Variants in CADM2 observed in about 807,000 individuals in gnomAD.
The protein encoded by CADM2 is immunoglobulin superfamily member 4D.
CADM2 carries 12 observed loss-of-function variants against 49.8 expected under a neutral mutation model. The observed-to-expected ratio is 0.24, with a 90% CI of 0.15 to 0.39. CADM2 has a LOEUF of 0.39. Ranked by LOEUF, CADM2 falls within the 10% of genes least tolerant of loss-of-function variation. The pLI is 1.00. For missense variants in CADM2, 378 were observed against 492.3 expected (o/e 0.77, Z 2.20); for synonymous variants, 214 against 175.4 (o/e 1.22, Z -1.74).
intron 3 of CADM2, among the ~76,000 whole-genome samples, chr3:85,823,637 G>A (rs2073733341): frequency 6.6e-6 from 1 of 152,132 alleles, no homozygotes; most frequent in Non-Finnish European, 1.5e-5. Context: ...TCTTCACAAA[G>A]TGTCTATCAA....
At chr3:85,528,840 A>G (rs2106941096) in intron 1 of CADM2, among the ~76,000 whole-genome samples, 1 of 152,314 alleles carries the variant, frequency 6.6e-6, no homozygotes, top group Admixed American at 6.5e-5. Flanking sequence ...CTTCTCTCAG[A>G]AAAAATCAAA....
chr3:85,787,970 A>G (rs1416928435), intron 2 of CADM2, among the ~76,000 whole-genome samples: 1 of 152,050 alleles, frequency 6.6e-6, no homozygotes, highest in Non-Finnish European at 1.5e-5. Context: ...TACTTTTTGG[A>G]ATACTGGCCC....
intron 7 of CADM2, among the ~76,000 whole-genome samples, chr3:85,937,212 T>C (rs1331324985): frequency 6.6e-6 from 1 of 151,862 alleles, no homozygotes; most frequent in Non-Finnish European, 1.5e-5. Flanking sequence ...GAATGTGCCT[T>C]CTTTTAATCT....
Position 85,381,004 on chromosome 3 carries a change from A to C in CADM2, c.62-345518A>C, listed in dbSNP as rs184303138. Reference sequence around the variant, plus strand: ...ACTACGAATGATATTTTAGAAGAGAAACACAAAGTTAGAAAGTGTAGCTAT... The same window carrying C: ...ACTACGAATGATATTTTAGAAGAGACACACAAAGTTAGAAAGTGTAGCTAT... On this transcript the variant is annotated intron_variant, in intron 1 of 9. Transcript: ENST00000383699. Among the ~76,000 whole-genome samples the C allele has an allele frequency of 2.8e-3, 430 of 152,208 alleles. 2 individuals carry two copies. The highest frequency in any genetic ancestry group is 5.2e-3 in the Admixed American group (80 of 15,264).
chr3:85,345,967 A>G (rs2030600444), intron 1 of CADM2, among the ~76,000 whole-genome samples: 1 of 152,218 alleles, frequency 6.6e-6, no homozygotes, highest in Non-Finnish European at 1.5e-5. Context: ...GGAAATTTAT[A>G]AGGCAAATAA....
At chr3:86,060,738 C>T (rs1364822399) in intron 8 of CADM2, among the ~76,000 whole-genome samples, 2 of 152,022 alleles carry the variant, frequency 1.3e-5, no homozygotes, top group Admixed American at 6.5e-5. Flanking sequence ...AATCCCAGCA[C>T]TTTTGGAGGC....
chr3:85,091,790 A>G (rs1196919181), intron 1 of CADM2, among the ~76,000 whole-genome samples: 2 of 152,164 alleles, frequency 1.3e-5, no homozygotes, highest in Non-Finnish European at 2.9e-5. Flanking sequence ...TGTCTTGTAG[A>G]AAGCATAGTA....
intron 1 of CADM2, among the ~76,000 whole-genome samples, chr3:85,045,596 A>G (rs1182876737): frequency 6.6e-6 from 1 of 152,086 alleles, no homozygotes; most frequent in Non-Finnish European, 1.5e-5. Flanking sequence ...ATAAGGCAGT[A>G]TATGTGTATA....
intron 1 of CADM2, among the ~76,000 whole-genome samples, chr3:85,409,042 C>A (rs924058122): frequency 1.3e-5 from 2 of 152,104 alleles, no homozygotes; most frequent in African/African-American, 4.8e-5. Context: ...TAGTGAAATA[C>A]TTCACTTCAT....
At chr3:85,897,255 T>C in intron 5 of CADM2, among the ~76,000 whole-genome samples, 1 of 73,236 alleles carries the variant, frequency 1.4e-5, no homozygotes, top group African/African-American at 7.8e-5. Flanking sequence ...TTTTTTTTTT[T>C]TTTTTTTTTT....
At chr3:85,207,342 AT>A (rs1362285187) in intron 1 of CADM2, among the ~76,000 whole-genome samples, 2 of 152,098 alleles carry the variant, frequency 1.3e-5, no homozygotes, top group Non-Finnish European at 2.9e-5. Context: ...CTGAACATTT[AT>A]TTTTATTTTT....
At chr3:86,016,202 T>G (rs183936858) in intron 8 of CADM2, among the ~76,000 whole-genome samples, 7 of 152,194 alleles carry the variant, frequency 4.6e-5, no homozygotes, top group Admixed American at 2.0e-4. Context: ...AATTTATGTA[T>G]ATTAGGGTGA....
At chr3:85,783,949 AAT>A (rs1461170918) in intron 2 of CADM2, among the ~76,000 whole-genome samples, 1 of 152,174 alleles carries the variant, frequency 6.6e-6, no homozygotes, top group African/African-American at 2.4e-5. Context: ...TTAGCTGGTC[AAT>A]GACTTTAACA....
At chr3:85,982,518 G>A (rs1005949080) in intron 8 of CADM2, among the ~76,000 whole-genome samples, 1 of 151,662 alleles carries the variant, frequency 6.6e-6, no homozygotes, top group Non-Finnish European at 1.5e-5. Flanking sequence ...GAATTTTAAT[G>A]TTAGCCTAAC....
chr3:85,688,885 A>T (rs1299628761), intron 1 of CADM2, among the ~76,000 whole-genome samples: 1 of 152,110 alleles, frequency 6.6e-6, no homozygotes, highest in South Asian at 2.1e-4. Flanking sequence ...ACAGTTTCTT[A>T]AAAAATAAGC....
chr3:85,864,396 G>T (rs2075649451), intron 3 of CADM2, among the ~76,000 whole-genome samples: 1 of 152,094 alleles, frequency 6.6e-6, no homozygotes, highest in Non-Finnish European at 1.5e-5. Context: ...TGAGGAATTT[G>T]CCTGTAACTT....
At chr3:85,183,924 T>G (rs1048742722) in intron 1 of CADM2, among the ~76,000 whole-genome samples, 1 of 152,108 alleles carries the variant, frequency 6.6e-6, no homozygotes, top group Non-Finnish European at 1.5e-5. Context: ...AGTAAAGGCT[T>G]TGCCATTTAT....
chr3:85,932,520 C>T (rs1487603444), intron 6 of CADM2, among the ~76,000 whole-genome samples: 4 of 152,014 alleles, frequency 2.6e-5, no homozygotes, highest in African/African-American at 9.7e-5. Context: ...TCCCATTCAC[C>T]CTGATCTTAA....
chr3:85,427,040 G>T (rs1030757426), intron 1 of CADM2, among the ~76,000 whole-genome samples: 5 of 151,422 alleles, frequency 3.3e-5, no homozygotes, highest in Admixed American at 6.6e-5. Context: ...TTCATAGGAT[G>T]TTTCCATGTA....
Sources: gnomAD v4.1 joint callset for allele counts (sites outside exome capture counted in the v4.1 genomes callset) on GRCh38, gnomAD v4.1.1 for gene constraint, MANE v1.5 for transcripts, NCBI Gene and HGNC (gene_info 2026-07-23, HGNC 2026-07-21) for gene names.